SEMA6D: variants seen among roughly 807,000 people sequenced by gnomAD.
The protein encoded by SEMA6D is semaphorin 6D.
A neutral mutation model predicts 106.6 loss-of-function variants in SEMA6D; 35 were observed. That is an observed-to-expected ratio of 0.33 (90% CI 0.25 to 0.44). The LOEUF is 0.44. Ranked by LOEUF, SEMA6D falls within the 20% of genes least tolerant of loss-of-function variation. The pLI is 1.00. For synonymous variants in SEMA6D, 499 were observed against 487.7 expected (o/e 1.02, Z -0.31); for missense variants, 1,185 against 1,345.9 (o/e 0.88, Z 1.87).
chr15:47,725,080 G>A (rs550466817), intron 1 of SEMA6D, among the ~76,000 whole-genome samples: 12 of 152,252 alleles, frequency 7.9e-5, no homozygotes, highest in African/African-American at 2.2e-4. Flanking sequence ...AGAATACGTC[G>A]CATATGTATA....
chr15:47,674,346 C>G (rs74795763), intron 4 of SEMA6D, among the ~76,000 whole-genome samples: 4,270 of 152,286 alleles, frequency 0.028, 206 homozygotes, highest in African/African-American at 0.098. Context: ...GGAAAAGCGA[C>G]TGATTCCTCA....
intron 3 of SEMA6D, among the ~76,000 whole-genome samples, chr15:47,497,131 C>G (rs1429071455): frequency 1.4e-5 from 2 of 145,278 alleles, no homozygotes; most frequent in African/African-American, 4.9e-5. Context: ...TTTGTCATCT[C>G]TTCCTTTCTG....
intron 3 of SEMA6D, among the ~76,000 whole-genome samples, chr15:47,559,781 G>A (rs2046023264): frequency 6.6e-6 from 1 of 152,122 alleles, no homozygotes; most frequent in Non-Finnish European, 1.5e-5. Context: ...AGAGGCAATA[G>A]AAGACAGCCT....
intron 16 of SEMA6D, 76 bp downstream of exon 16, chr15:47,766,753 G>A (rs762245639): frequency 1.7e-5 from 18 of 1,041,204 alleles, no homozygotes; most frequent in Non-Finnish European, 2.5e-5. Flanking sequence ...TTTACAATCA[G>A]TCTTTTTAAT....
At chr15:47,581,453 G>A in intron 3 of SEMA6D, 1 of 456,486 alleles carries the variant, frequency 2.2e-6, no homozygotes, top group South Asian at 1.7e-5. Context: ...TACCTGGATG[G>A]AGTGGGAAGG....
In SEMA6D at chr15:47,571,897, G is replaced by C. The variant is rs117339692; in HGVS notation, c.-86-28968G>C. Reference sequence around the variant, plus strand: ...TTCATCATTACCTGAAACAAACAAAGAGATGATTTTTTCTTCTGGCAAAAA... The same window carrying C: ...TTCATCATTACCTGAAACAAACAAACAGATGATTTTTTCTTCTGGCAAAAA... On this transcript the variant is annotated intron_variant, in intron 3 of 19. Transcript: ENST00000558014. Among the ~76,000 whole-genome samples the C allele has an allele frequency of 3.0e-3, 450 of 152,250 alleles. 4 individuals carry two copies. Among genetic ancestry groups the C allele is most frequent in the Middle Eastern group, 0.017 (5 of 294 alleles).
intron 2 of SEMA6D, among the ~76,000 whole-genome samples, chr15:47,463,906 C>G (rs905050266): frequency 2.0e-5 from 3 of 152,124 alleles, no homozygotes; most frequent in African/African-American, 4.8e-5. Flanking sequence ...CCAATCTTCA[C>G]CTCTGTGGTC....
chr15:47,287,762 A>AT (rs778396773), intron 1 of SEMA6D, among the ~76,000 whole-genome samples: 150 of 152,018 alleles, frequency 9.9e-4, no homozygotes, highest in Non-Finnish European at 1.5e-3. Flanking sequence ...CATTCTGTTC[A>AT]TTTTTTCTGG....
chr15:47,765,756 C>T, intron 13 of SEMA6D, 113 bp from the exon 14 acceptor site: 1 of 1,011,846 alleles, frequency 9.9e-7, no homozygotes, highest in East Asian at 2.8e-5. Context: ...TATGTACTTG[C>T]CTGGTTTGTT....
intron 3 of SEMA6D, among the ~76,000 whole-genome samples, chr15:47,538,686 G>A (rs1334519024): frequency 1.3e-5 from 2 of 152,072 alleles, no homozygotes; most frequent in Non-Finnish European, 2.9e-5. Flanking sequence ...GTTTATTTCA[G>A]GCAAACTTTA....
chr15:47,192,933 C>A (rs557695232), intron 1 of SEMA6D, among the ~76,000 whole-genome samples: 4 of 152,314 alleles, frequency 2.6e-5, no homozygotes, highest in Non-Finnish European at 4.4e-5. Flanking sequence ...CACCAAATTT[C>A]ATAGAATTAA....
rs144257073 is a variant in SEMA6D at position 47,438,709 on chromosome 15, T to C, written c.-159+26237T>C. 9.2e-3 allele frequency among the ~76,000 whole-genome samples: 1,402 copies of C among 151,942 alleles called. 12 individuals carry two copies. Among genetic ancestry groups the C allele is most frequent in the African/African-American group, 0.032 (1,323 of 41,462 alleles). ...AGATATCACCCTAATGGGCCTGCCATGATCTTTTGCACCTGCCCCTTCCCT... is the reference window on the plus strand; with the variant it reads ...AGATATCACCCTAATGGGCCTGCCACGATCTTTTGCACCTGCCCCTTCCCT... On this transcript the variant is annotated intron_variant, in intron 2 of 19. Transcript: ENST00000558014.
intron 3 of SEMA6D, among the ~76,000 whole-genome samples, chr15:47,551,352 G>A (rs1312707675): frequency 6.6e-6 from 1 of 152,154 alleles, no homozygotes; most frequent in African/African-American, 2.4e-5. Flanking sequence ...GTTGGGGGAA[G>A]GGATGGACTG....
chr15:47,271,270 G>A lies in SEMA6D; in HGVS notation c.-239+86852G>A, dbSNP rs12593074. ...TAATGAGAAACATTTCAAAGAAAAG[G>A]AAGTGGGTCTAGGGTTTTACAGAGG... is the stretch of plus-strand genomic sequence containing the variant. On this transcript the variant is annotated intron_variant, in intron 1 of 19. Transcript: ENST00000558014. Among the ~76,000 whole-genome samples the A allele has an allele frequency of 0.055, 8,333 of 152,200 alleles. 1,231 individuals carry two copies. The East Asian group carries it at 0.61, about 11-fold the overall frequency.
chr15:47,318,094 A>T (rs1256512605), intron 1 of SEMA6D, among the ~76,000 whole-genome samples: 6 of 147,944 alleles, frequency 4.1e-5, no homozygotes, highest in African/African-American at 1.5e-4. Flanking sequence ...GGCCTTCAAA[A>T]CATCTTGACA....
At chr15:47,203,448 G>T (rs1894850588) in intron 1 of SEMA6D, among the ~76,000 whole-genome samples, 1 of 152,136 alleles carries the variant, frequency 6.6e-6, no homozygotes, top group Admixed American at 6.6e-5. Context: ...TTCTTCTGAG[G>T]GCAGCTCTGA....
At chr15:47,478,623 T>C (rs2043063813) in intron 3 of SEMA6D, among the ~76,000 whole-genome samples, 1 of 152,062 alleles carries the variant, frequency 6.6e-6, no homozygotes, top group Admixed American at 6.6e-5. Context: ...GGAAGGGAGC[T>C]GGAACCAAAA....
chr15:47,452,947 G>GT (rs1215520752), intron 2 of SEMA6D, among the ~76,000 whole-genome samples: 8 of 151,808 alleles, frequency 5.3e-5, no homozygotes, highest in African/African-American at 1.9e-4. Flanking sequence ...ATCCCCATGA[G>GT]TTTTTTATTT....
chr15:47,314,433 C>G lies in SEMA6D; in HGVS notation c.-238-97960C>G, dbSNP rs900359176. ...CTAAAACGGTGAAACCCCGTCTCTA[C>G]TAAAAATACAAAAAATTAGCCGGGC... On this transcript the variant is annotated intron_variant, in intron 1 of 19. Transcript: ENST00000558014. 4.7e-5 allele frequency among the ~76,000 whole-genome samples: 7 copies of G among 149,952 alleles called. No homozygotes were observed. In the East Asian group the frequency reaches 9.8e-4, roughly 21 times the overall value.
Sources: gnomAD v4.1 joint callset for allele counts (sites outside exome capture counted in the v4.1 genomes callset) on GRCh38, gnomAD v4.1.1 for gene constraint, MANE v1.5 for transcripts, NCBI Gene and HGNC (gene_info 2026-07-23, HGNC 2026-07-21) for gene names.